Variants in ST8SIA4 observed in about 807,000 individuals in gnomAD.
ST8SIA4 encodes CMP-N-acetylneuraminate-poly-alpha-2,8-sialyltransferase.
In ST8SIA4, 15 loss-of-function variants were observed where a neutral mutation model predicts 33.9. The observed-to-expected ratio is 0.44, with a 90% CI of 0.30 to 0.68. The LOEUF (loss-of-function observed/expected upper bound fraction) is 0.68. Among genes scored for constraint, ST8SIA4 ranks in the 30% least tolerant of loss-of-function variants. The probability of loss-of-function intolerance (pLI) is 0.10; values close to 1 mark genes in which losing one functional copy is unlikely to be tolerated. For synonymous variants in ST8SIA4, 171 were observed against 151.2 expected (o/e 1.13, Z -0.96); for missense variants, 321 against 428.0 (o/e 0.75, Z 2.21).
chr5:100,819,644 A>G (rs1210432487), intron 4 of ST8SIA4, among the ~76,000 whole-genome samples: 1 of 152,214 alleles, frequency 6.6e-6, no homozygotes, highest in African/African-American at 2.4e-5. Context: ...CCTGGCCTGT[A>G]GCTTCATGAG....
chr5:100,864,296 C>A (rs1000272775), intron 3 of ST8SIA4, among the ~76,000 whole-genome samples: 1 of 151,958 alleles, frequency 6.6e-6, no homozygotes, highest in African/African-American at 2.4e-5. Context: ...AAAAGCGGGC[C>A]GGGTGCGGTG....
chr5:100,870,369 T>A (rs1337655801), intron 3 of ST8SIA4, among the ~76,000 whole-genome samples: 1 of 152,176 alleles, frequency 6.6e-6, no homozygotes, highest in African/African-American at 2.4e-5. Context: ...TCGTCACATG[T>A]TGAATAATCA....
chr5:100,834,391 C>T (rs533248542), intron 4 of ST8SIA4, among the ~76,000 whole-genome samples: 2 of 151,964 alleles, frequency 1.3e-5, no homozygotes, highest in Admixed American at 1.3e-4. Flanking sequence ...TATGAAAATG[C>T]CTATAATTTG....
chr5:100,850,464 G>C (rs1751668027), intron 4 of ST8SIA4, among the ~76,000 whole-genome samples: 1 of 150,770 alleles, frequency 6.6e-6, no homozygotes, highest in Non-Finnish European at 1.5e-5. Flanking sequence ...AAAAACTAAG[G>C]GGCCATAAAA....
intron 3 of ST8SIA4, among the ~76,000 whole-genome samples, chr5:100,873,652 AC>A (rs1297414612): frequency 6.6e-6 from 1 of 152,106 alleles, no homozygotes; most frequent in African/African-American, 2.4e-5. Context: ...TCTATGAGGA[AC>A]CAGTACTTAA....
At chr5:100,870,161 A>C (rs1752166222) in intron 3 of ST8SIA4, among the ~76,000 whole-genome samples, 1 of 152,172 alleles carries the variant, frequency 6.6e-6, no homozygotes, top group African/African-American at 2.4e-5. Flanking sequence ...CCATGTCCCT[A>C]CAAAGGACAG....
At chr5:100,840,784 T>C (rs1299887549) in intron 4 of ST8SIA4, among the ~76,000 whole-genome samples, 1 of 28,040 alleles carries the variant, frequency 3.6e-5, no homozygotes, top group Admixed American at 2.3e-4. Context: ...CTTAAGAATA[T>C]AAGAAAAAAA....
intron 4 of ST8SIA4, among the ~76,000 whole-genome samples, chr5:100,839,643 A>G (rs978150687): frequency 2.6e-5 from 4 of 151,994 alleles, no homozygotes; most frequent in Non-Finnish European, 5.9e-5. Context: ...GTGATAACTT[A>G]TATAAATAGA....
intron 4 of ST8SIA4, among the ~76,000 whole-genome samples, chr5:100,830,703 C>T (rs992811284): frequency 2.6e-5 from 4 of 152,104 alleles, no homozygotes; most frequent in Non-Finnish European, 2.9e-5. Context: ...GGTATGGCAA[C>T]TGATTATTGT....
intron 4 of ST8SIA4, among the ~76,000 whole-genome samples, chr5:100,828,901 T>G (rs948885519): frequency 6.6e-6 from 1 of 152,192 alleles, no homozygotes; most frequent in Admixed American, 6.5e-5. Flanking sequence ...TTTCATTAGC[T>G]TAATTATTGC....
chr5:100,838,326 T>C (rs1336237045), intron 4 of ST8SIA4, among the ~76,000 whole-genome samples: 7 of 152,024 alleles, frequency 4.6e-5, no homozygotes, highest in Non-Finnish European at 8.8e-5. Context: ...AATATCTGTG[T>C]TATTAAGCAG....
chr5:100,888,759 T>C (rs1752595508), intron 2 of ST8SIA4, among the ~76,000 whole-genome samples: 1 of 151,960 alleles, frequency 6.6e-6, no homozygotes, highest in African/African-American at 2.4e-5. Context: ...TCTTTTCTTT[T>C]GTTGTCTTTA....
At chr5:100,856,501 T>C in intron 3 of ST8SIA4, 105 bp from the exon 4 acceptor site, 1 of 1,174,366 alleles carries the variant, frequency 8.5e-7, no homozygotes, top group Non-Finnish European at 1.2e-6. Context: ...TTTTTAACCA[T>C]GTGAAAAGAA....
At position 100,807,020 on chromosome 5, in the gene ST8SIA4, T is replaced by C. The variant is rs1750710636; in HGVS notation, c.*4827A>G. Reference sequence around the variant, plus strand: ...TAAGGATTTCCTAATATTCATGGGGTTTTTGACATTGTTCATATTCCCATG... The same window carrying C: ...TAAGGATTTCCTAATATTCATGGGGCTTTTGACATTGTTCATATTCCCATG... On this transcript the variant is annotated 3_prime_UTR_variant, in exon 5 of 5. Transcript: ENST00000231461. The C allele has an allele frequency of 6.6e-6, 1 of 151,876 alleles. No individual in the cohort carries two copies. Among genetic ancestry groups the C allele is most frequent in the South Asian group, 2.1e-4 (1 of 4,812 alleles). 9.4% of individuals were successfully genotyped at this position (151,876 alleles called of 1,614,324 possible).
chr5:100,856,934 A>G (rs1362113905), intron 3 of ST8SIA4, among the ~76,000 whole-genome samples: 2 of 152,196 alleles, frequency 1.3e-5, no homozygotes, highest in African/African-American at 2.4e-5. Flanking sequence ...TTACACAAAC[A>G]TATTTACAAT....
Position 100,877,601 on chromosome 5 carries a change from T to C in ST8SIA4, c.503+8742A>G, listed in dbSNP as rs139837366. On this transcript the variant is annotated intron_variant, in intron 3 of 4. Coordinates refer to ENST00000231461, the MANE Select transcript of ST8SIA4 (RefSeq NM_005668.6). ...TAATTCAGATTAGAATTTTGTATTT[T>C]CAAGGGTTGTTACAAATCTAAGAAT... 6.3e-3 allele frequency among the ~76,000 whole-genome samples: 966 copies of C among 152,278 alleles called. 3 individuals carry two copies. The highest frequency in any genetic ancestry group is 0.011 in the Non-Finnish European group (766 of 68,014).
Position 100,838,618 on chromosome 5 carries a change from A to G in ST8SIA4, c.797+17485T>C, listed in dbSNP as rs190550624. On this transcript the variant is annotated intron_variant, in intron 4 of 4. Coordinates refer to ENST00000231461, the MANE Select transcript of ST8SIA4 (RefSeq NM_005668.6). ...AAATTTGGAGCACTAGAGAAAAAAAAACCTGTTAAATTAAATATCAAATTA... is the reference window on the plus strand; with the variant it reads ...AAATTTGGAGCACTAGAGAAAAAAAGACCTGTTAAATTAAATATCAAATTA... Among the ~76,000 whole-genome samples the G allele has an allele frequency of 2.4e-3, 354 of 149,236 alleles. 1 individual carries two copies. Among genetic ancestry groups the G allele is most frequent in the African/African-American group, 8.3e-3 (344 of 41,432 alleles).
At chr5:100,846,340 C>T (rs1751572261) in intron 4 of ST8SIA4, among the ~76,000 whole-genome samples, 1 of 151,870 alleles carries the variant, frequency 6.6e-6, no homozygotes, top group Non-Finnish European at 1.5e-5. Context: ...CATTTTTATT[C>T]CCCACCCCTT....
At chr5:100,828,409 T>G (rs1751186086) in intron 4 of ST8SIA4, among the ~76,000 whole-genome samples, 1 of 152,198 alleles carries the variant, frequency 6.6e-6, no homozygotes, top group South Asian at 2.1e-4. Context: ...GTGTGCTTTT[T>G]GCAGGCTCCA....
Sources: allele counts gnomAD v4.1 joint callset (sites outside exome capture counted in the v4.1 genomes callset), GRCh38; gene constraint gnomAD v4.1.1; transcripts MANE v1.5; gene names NCBI Gene and HGNC (gene_info 2026-07-23, HGNC 2026-07-21).